The following ARHGAP8 variants were observed in gnomAD, a reference collection of about 807,000 sequenced individuals.
ARHGAP8 encodes rho GTPase-activating protein 8.
ARHGAP8 carries 62 observed loss-of-function variants against 46.1 expected under a neutral mutation model. That is an observed-to-expected ratio of 1.34 (90% CI 1.10 to 1.66). The LOEUF (loss-of-function observed/expected upper bound fraction) is 1.66, where lower values mean the gene tolerates loss of function less well. Ranked by LOEUF, ARHGAP8 falls within the 40% of genes most tolerant of loss-of-function variation. The pLI is 0.00. For synonymous variants in ARHGAP8, 375 were observed against 243.1 expected (o/e 1.54, Z -5.05); for missense variants, 923 against 568.4 (o/e 1.62, Z -6.34).
chr22:44,794,975 A>C (rs13054436), intron 2 of ARHGAP8, among the ~76,000 whole-genome samples: 1 of 150,124 alleles, frequency 6.7e-6, no homozygotes, highest in Admixed American at 6.6e-5. Flanking sequence ...CAGGAGGTCA[A>C]GGCTGCAGTA....
intron 1 of ARHGAP8, among the ~76,000 whole-genome samples, chr22:44,772,201 T>G (rs553600187): frequency 1.3e-3 from 194 of 150,078 alleles, no homozygotes; most frequent in Non-Finnish European, 2.5e-3. Context: ...GTTTTTATGT[T>G]TCTGTTTTAC....
At chr22:44,844,416 G>T (rs1036216200) in intron 7 of ARHGAP8, among the ~76,000 whole-genome samples, 4 of 152,094 alleles carry the variant, frequency 2.6e-5, no homozygotes, top group Non-Finnish European at 5.9e-5. Context: ...AGTCTAAGTG[G>T]CCTAAACATT....
At chr22:44,819,879 G>A (rs1930005012) in intron 5 of ARHGAP8, among the ~76,000 whole-genome samples, 1 of 152,160 alleles carries the variant, frequency 6.6e-6, no homozygotes, top group Non-Finnish European at 1.5e-5. Flanking sequence ...TCCAACCTGA[G>A]CCTGTGTGGT....
In ARHGAP8 at chr22:44,822,392, C is replaced by A. The variant is rs1163691048; in HGVS notation, c.408C>A (p.Val136=). ...TTAGTCACAAGTTTGGGAAGAAAGT[C>A]ATCTATTTCAACTACCTGAGTGAGC... ...PLISHKFGKK[V]IYFNYLSELH... is the part of the protein sequence containing the mutation. The change falls in exon 6 of 12, where the codon GTC becomes GTA. Residue 136 remains valine, a synonymous_variant. Transcript: ENST00000356099. 6.3e-7 allele frequency: 1 copy of A among 1,583,548 alleles called. No individual in the cohort carries two copies. Among genetic ancestry groups the A allele is most frequent in the South Asian group, 1.2e-5 (1 of 84,562 alleles).
intron 5 of ARHGAP8, among the ~76,000 whole-genome samples, chr22:44,816,880 C>T (rs370573615): frequency 3.1e-5 from 4 of 127,354 alleles, no homozygotes; most frequent in South Asian, 5.6e-4. Flanking sequence ...TTCTTTCTTT[C>T]TTTCTTTTTT....
intron 5 of ARHGAP8, 75 bp from the exon 6 acceptor site, chr22:44,822,296 C>A: frequency 7.7e-7 from 1 of 1,299,856 alleles, no homozygotes; most frequent in Non-Finnish European, 1.1e-6. Flanking sequence ...CGCCAACTCC[C>A]CCTCCCTCCC....
At chr22:44,858,099 C>G (rs1414584983) in intron 10 of ARHGAP8, among the ~76,000 whole-genome samples, 2 of 152,182 alleles carry the variant, frequency 1.3e-5, no homozygotes, top group African/African-American at 4.8e-5. Flanking sequence ...GACTGAACAA[C>G]AGCTTGATTT....
intron 10 of ARHGAP8, 76 bp from the exon 11 acceptor site, chr22:44,859,653 CTG>C: frequency 9.4e-7 from 1 of 1,068,184 alleles, no homozygotes; most frequent in Non-Finnish European, 1.3e-6. Flanking sequence ...TCCTACACCC[CTG>C]TTCTCCTCCC....
chr22:44,763,491 CAAAA>C (rs370437700), intron 1 of ARHGAP8, among the ~76,000 whole-genome samples: 1 of 78,500 alleles, frequency 1.3e-5, no homozygotes. Context: ...GACTCTGTCT[CAAAA>C]AAAAAAAAAA....
intron 11 of ARHGAP8, among the ~76,000 whole-genome samples, chr22:44,860,409 C>G (rs915733504): frequency 2.6e-5 from 4 of 151,916 alleles, no homozygotes; most frequent in East Asian, 1.9e-4. Context: ...TCCAGCTATG[C>G]CTCCAGCTCC....
chr22:44,757,212 G>A (rs760134250), intron 1 of ARHGAP8, among the ~76,000 whole-genome samples: 1 of 152,026 alleles, frequency 6.6e-6, no homozygotes, highest in Non-Finnish European at 1.5e-5. Flanking sequence ...CACTGTGCCC[G>A]GCAGCAACAA....
At chr22:44,805,687 C>A (rs758662799) in intron 3 of ARHGAP8, among the ~76,000 whole-genome samples, 1 of 152,210 alleles carries the variant, frequency 6.6e-6, no homozygotes, top group African/African-American at 2.4e-5. Flanking sequence ...GAAAAGGCAT[C>A]TTTTTCTAAC....
intron 1 of ARHGAP8, among the ~76,000 whole-genome samples, chr22:44,774,018 T>C (rs1414006424): frequency 2.6e-5 from 4 of 152,228 alleles, no homozygotes; most frequent in African/African-American, 9.6e-5. Flanking sequence ...ATTCTCTCTA[T>C]GAGGAAGGTG....
Position 44,812,761 on chromosome 22 carries a change from G to T in ARHGAP8, c.300-1911G>T, listed in dbSNP as rs113748947. Among the ~76,000 whole-genome samples the T allele has an allele frequency of 7.2e-3, 1,090 of 152,212 alleles. 7 individuals carry two copies. Among genetic ancestry groups the T allele is most frequent in the African/African-American group, 0.024 (979 of 41,526 alleles). Reference sequence around the variant, plus strand: ...AATACTTTTCACTTTCATTGCTGCTGCTTGGCTTAGTTGTTCATATGATGG... The same window carrying T: ...AATACTTTTCACTTTCATTGCTGCTTCTTGGCTTAGTTGTTCATATGATGG... On this transcript the variant is annotated intron_variant, in intron 4 of 11. Coordinates refer to ENST00000356099, the MANE Select transcript of ARHGAP8 (RefSeq NM_181335.3).
chr22:44,857,783 C>G (rs551656958), intron 10 of ARHGAP8, among the ~76,000 whole-genome samples: 1 of 151,722 alleles, frequency 6.6e-6, no homozygotes, highest in East Asian at 2.1e-4. Flanking sequence ...TCGGGCTAGT[C>G]ACCTAACCTC....
At chr22:44,858,424 A>G (rs1352242129) in intron 10 of ARHGAP8, among the ~76,000 whole-genome samples, 2 of 149,348 alleles carry the variant, frequency 1.3e-5, no homozygotes, top group Non-Finnish European at 3.0e-5. Flanking sequence ...CTGGAGTGCA[A>G]TGGCACCATC....
intron 8 of ARHGAP8, among the ~76,000 whole-genome samples, chr22:44,847,037 G>A (rs780510060): frequency 2.6e-5 from 4 of 152,168 alleles, no homozygotes; most frequent in African/African-American, 4.8e-5. Flanking sequence ...GCGGGGCTTC[G>A]AGGAAGTTGG....
chr22:44,853,899 C>T (rs1206559314), intron 10 of ARHGAP8, among the ~76,000 whole-genome samples: 4 of 151,672 alleles, frequency 2.6e-5, no homozygotes, highest in Admixed American at 6.6e-5. Context: ...TGGTGGCATG[C>T]ACCTGTAATC....
chr22:44,816,868 TTTTCTTTC>T (rs747088285), intron 5 of ARHGAP8, among the ~76,000 whole-genome samples: 3 of 149,046 alleles, frequency 2.0e-5, no homozygotes, highest in East Asian at 3.9e-4. Flanking sequence ...TTTCTTTCTT[TTTTCTTTC>T]TTTCTTTCTT....
Sources: gnomAD v4.1 joint callset for allele counts (sites outside exome capture counted in the v4.1 genomes callset) on GRCh38, gnomAD v4.1.1 for gene constraint, MANE v1.5 for transcripts, NCBI Gene and HGNC (gene_info 2026-07-23, HGNC 2026-07-21) for gene names.